SPON1: variants seen among roughly 807,000 people sequenced by gnomAD.
SPON1 encodes the protein spondin-1.
Under a neutral mutation model 111.7 loss-of-function variants are expected in SPON1, and 52 were observed. That is an observed-to-expected ratio of 0.47 (90% CI 0.37 to 0.59). The LOEUF (loss-of-function observed/expected upper bound fraction) is 0.59, where lower values mean the gene tolerates loss of function less well. SPON1 is among the 20% of genes least tolerant of loss of function. The pLI, the probability that SPON1 is intolerant of heterozygous loss-of-function variation, is 0.00. For synonymous variants in SPON1, 410 were observed against 395.8 expected (o/e 1.04, Z -0.43); for missense variants, 957 against 1,068.5 (o/e 0.90, Z 1.46).
intron 3 of SPON1, among the ~76,000 whole-genome samples, chr11:14,072,426 T>A (rs1395106549): frequency 6.6e-6 from 1 of 152,076 alleles, no homozygotes; most frequent in African/African-American, 2.4e-5. Context: ...AATGATAGGC[T>A]TTGCCATTGT....
At chr11:14,239,605 G>A (rs1354542340) in intron 6 of SPON1, among the ~76,000 whole-genome samples, 1 of 152,146 alleles carries the variant, frequency 6.6e-6, no homozygotes. Context: ...CACACCTGTA[G>A]TCCTAGCTAC....
intron 6 of SPON1, among the ~76,000 whole-genome samples, chr11:14,169,811 T>C (rs1848075476): frequency 6.6e-6 from 1 of 152,194 alleles, no homozygotes; most frequent in Non-Finnish European, 1.5e-5. Flanking sequence ...GTTGTAGATA[T>C]GTGGCATTAT....
chr11:14,232,588 C>G (rs1554938859), intron 6 of SPON1, among the ~76,000 whole-genome samples: 1 of 152,228 alleles, frequency 6.6e-6, no homozygotes, highest in Non-Finnish European at 1.5e-5. Context: ...CCTCCCAGGT[C>G]TGGATCTCAC....
Position 14,112,908 on chromosome 11 carries a change from C to T in SPON1, c.677-22512C>T, listed in dbSNP as rs977069217. 5.9e-5 allele frequency among the ~76,000 whole-genome samples: 9 copies of T among 152,184 alleles called. 1 individual carries two copies. In the East Asian group the frequency reaches 1.7e-3, roughly 29 times the overall value. ...TGATGCCCAGTGTCTCTATCACCAT[C>T]TGCTCCTAATCCCTGATCTCGCCTA... On this transcript the variant is annotated intron_variant, in intron 5 of 15. Coordinates refer to ENST00000576479, the MANE Select transcript of SPON1 (RefSeq NM_006108.4).
chr11:14,007,064 T>C (rs1848367702), intron 2 of SPON1, among the ~76,000 whole-genome samples: 1 of 152,126 alleles, frequency 6.6e-6, no homozygotes, highest in Non-Finnish European at 1.5e-5. Context: ...AGAACAGTTT[T>C]TCCATGGGCT....
At chr11:14,001,392 T>C (rs1371222641) in intron 2 of SPON1, among the ~76,000 whole-genome samples, 2 of 152,270 alleles carry the variant, frequency 1.3e-5, no homozygotes, top group African/African-American at 2.4e-5. Flanking sequence ...AAGAACCTTT[T>C]TGAAATCTGG....
intron 5 of SPON1, among the ~76,000 whole-genome samples, chr11:14,130,831 T>C (rs1156830244): frequency 6.6e-6 from 1 of 151,322 alleles, no homozygotes; most frequent in Non-Finnish European, 1.5e-5. Flanking sequence ...TATATTATTT[T>C]CAGCAACTTG....
At chr11:14,264,487 C>A (rs1554942236) in intron 15 of SPON1, among the ~76,000 whole-genome samples, 35 of 152,214 alleles carry the variant, frequency 2.3e-4, no homozygotes, top group Admixed American at 3.9e-4. Flanking sequence ...TTAACATGTA[C>A]ATCAAGTTTT....
intron 5 of SPON1, among the ~76,000 whole-genome samples, chr11:14,132,907 A>C (rs557548866): frequency 2.6e-4 from 40 of 152,328 alleles, no homozygotes; most frequent in Admixed American, 9.2e-4. Flanking sequence ...TAAATAATTT[A>C]ATTTAATTCT....
intron 5 of SPON1, among the ~76,000 whole-genome samples, chr11:14,087,363 T>G (rs1328276113): frequency 1.3e-5 from 2 of 152,338 alleles, no homozygotes; most frequent in East Asian, 3.9e-4. Context: ...CCCATTGGTT[T>G]CAAAGAACTC....
intron 5 of SPON1, among the ~76,000 whole-genome samples, chr11:14,083,649 TAA>T (rs782651800): frequency 2.0e-5 from 3 of 152,228 alleles, no homozygotes; most frequent in Non-Finnish European, 4.4e-5. Flanking sequence ...CACAGTTCAT[TAA>T]ACAATATGAA....
intron 6 of SPON1, among the ~76,000 whole-genome samples, chr11:14,163,531 C>T (rs528890181): frequency 2.0e-5 from 3 of 151,952 alleles, no homozygotes; most frequent in African/African-American, 7.2e-5. Flanking sequence ...CTTCTTATAG[C>T]CCCCCAGATT....
At chr11:14,253,047 G>C (rs1849068464) in intron 7 of SPON1, among the ~76,000 whole-genome samples, 1 of 152,214 alleles carries the variant, frequency 6.6e-6, no homozygotes, top group Non-Finnish European at 1.5e-5. Context: ...AGGTAGACTG[G>C]CCTGTCAGGG....
chr11:13,972,634 G>GA (rs1554908719), intron 1 of SPON1, among the ~76,000 whole-genome samples: 1 of 152,106 alleles, frequency 6.6e-6, no homozygotes, highest in Non-Finnish European at 1.5e-5. Context: ...AAATAGTTTT[G>GA]AAGTCAAGAG....
intron 6 of SPON1, among the ~76,000 whole-genome samples, chr11:14,192,522 C>T (rs72861646): frequency 0.015 from 2,226 of 152,240 alleles, 27 homozygotes; most frequent in Middle Eastern, 0.034. Flanking sequence ...CGTCAATGTG[C>T]GTAGAGATGG....
intron 5 of SPON1, among the ~76,000 whole-genome samples, chr11:14,128,474 C>A (rs1847488517): frequency 6.6e-6 from 1 of 152,328 alleles, no homozygotes; most frequent in Middle Eastern, 3.4e-3. Flanking sequence ...AAGAGGTGGG[C>A]TCCCGAGGCC....
At chr11:13,985,778 C>T (rs1193429181) in intron 2 of SPON1, among the ~76,000 whole-genome samples, 1 of 152,060 alleles carries the variant, frequency 6.6e-6, no homozygotes, top group African/African-American at 2.4e-5. Context: ...TAAGACAGTC[C>T]AGCATCTCAA....
intron 5 of SPON1, among the ~76,000 whole-genome samples, chr11:14,118,857 G>A (rs1357978814): frequency 2.0e-5 from 3 of 152,184 alleles, no homozygotes; most frequent in Non-Finnish European, 4.4e-5. Flanking sequence ...TTGCAACTCA[G>A]TTCTCTCACC....
chr11:14,082,749 T>C lies in SPON1; in HGVS notation c.676+2728T>C, dbSNP rs1848972609. ...TTAATGTTCTCAAAAGTTATTTCTA[T>C]CAGTCTTAAGTAATAGATGAATTTC... On this transcript the variant is annotated intron_variant, in intron 5 of 15. Coordinates refer to ENST00000576479, the MANE Select transcript of SPON1 (RefSeq NM_006108.4). Among the ~76,000 whole-genome samples, 5 of 152,220 alleles carry C rather than the reference T, an allele frequency of 3.3e-5. 1 individual carries two copies. The South Asian group carries it at 1.0e-3, about 32-fold the overall frequency.
Sources: gnomAD v4.1 joint callset for allele counts (sites outside exome capture counted in the v4.1 genomes callset) on GRCh38, gnomAD v4.1.1 for gene constraint, MANE v1.5 for transcripts, NCBI Gene and HGNC (gene_info 2026-07-23, HGNC 2026-07-21) for gene names.